The following FBXO41 variants were observed in gnomAD, a reference collection of about 807,000 sequenced individuals.
The protein encoded by FBXO41 is F-box protein 41.
Under a neutral mutation model 81.6 loss-of-function variants are expected in FBXO41, and 33 were observed. That is an observed-to-expected ratio of 0.40 (90% CI 0.31 to 0.54). The LOEUF is 0.54. FBXO41 is among the 20% of genes least tolerant of loss of function. FBXO41 has a pLI of 0.39. For missense variants in FBXO41, 1,107 were observed against 1,236.0 expected, an observed-to-expected ratio of 0.90 and a Z score of 1.56; for synonymous variants, 576 against 552.7, an observed-to-expected ratio of 1.04 and a Z score of -0.59.
Position 73,260,962 on chromosome 2 carries a change from C to T in FBXO41, c.2172-104G>A. On this transcript the variant is annotated intron_variant, in intron 9 of 12. Transcript: ENST00000520530. The surrounding 1 kb of genome is among the most constrained non-coding windows in gnomAD (Gnocchi z 5.0). ...TCCCTGACTCAGGCAAGCATTCCTC[C>T]AACAACCCAGCAGGTCAAGTCAGAG... The T allele has an allele frequency of 1.1e-6, 1 of 916,322 alleles. No individual in the cohort carries two copies. The highest frequency in any genetic ancestry group is 1.7e-5 in the South Asian group (1 of 59,826). The allele number at this position is 916,322 out of a possible 1,614,324, so 56.8% of individuals were successfully genotyped here. A position where few individuals can be genotyped will look rare whatever the true frequency, so the allele number is the denominator to read the frequency against.
In FBXO41 at chr2:73,259,315, A is replaced by G. The variant is rs1490302661; in HGVS notation, c.2450-19T>C. Reference sequence around the variant, plus strand: ...CAGATGCCTGAGAAAAGGTGAGCAAAGTAGGGGCGTGTTTGGCCTGGGCTG... The same window carrying G: ...CAGATGCCTGAGAAAAGGTGAGCAAGGTAGGGGCGTGTTTGGCCTGGGCTG... On this transcript the variant is annotated intron_variant, in intron 11 of 12. Coordinates refer to ENST00000520530, the MANE Select transcript of FBXO41 (RefSeq NM_001371389.2). This position sits in a 1 kb window ranked among gnomAD's most constrained non-coding sequence, Gnocchi z 4.2. The G allele has an allele frequency of 6.2e-7, 1 of 1,608,252 alleles. No individual in the cohort carries two copies.
intron 2 of FBXO41, 73 bp downstream of exon 2, chr2:73,268,653 G>A (rs1688366352): frequency 3.6e-6 from 5 of 1,386,284 alleles, no homozygotes; most frequent in Non-Finnish European, 4.8e-6. Context: ...ACTCAGGCAC[G>A]CCCACGGTGG....
Position 73,266,164 on chromosome 2 carries a change from A to C in FBXO41, c.1132-198T>G, listed in dbSNP as rs1198232537. ...GGCTTACCAGCCCCTCCCCACACCC[A>C]CACAATACCCTGGACCCCAGCTTGT... On this transcript the variant is annotated intron_variant, in intron 3 of 12. Transcript: ENST00000520530. This position sits in a 1 kb window ranked among gnomAD's most constrained non-coding sequence, Gnocchi z 5.3. 6.6e-6 allele frequency among the ~76,000 whole-genome samples: 1 copy of C among 152,144 alleles called. No homozygotes were observed. Among genetic ancestry groups the C allele is most frequent in the East Asian group, 1.9e-4 (1 of 5,180 alleles).
chr2:73,256,608 T>C lies in FBXO41; in HGVS notation c.*2374A>G, dbSNP rs1229032833. ...AACAGGGTGGAGGACTGAGGGGCTT[T>C]CCTGGAAATAGCCAAACCCATGGGA... On this transcript the variant is annotated 3_prime_UTR_variant, in exon 13 of 13. Coordinates refer to ENST00000520530, the MANE Select transcript of FBXO41 (RefSeq NM_001371389.2). The C allele has an allele frequency of 6.6e-6, 1 of 152,280 alleles. No homozygotes were observed. The highest frequency in any genetic ancestry group is 1.5e-5 in the Non-Finnish European group (1 of 68,110). 9.4% of individuals were successfully genotyped at this position (152,280 alleles called of 1,614,324 possible).
Position 73,266,348 on chromosome 2 carries a change from A to G in FBXO41, c.1131+109T>C, listed in dbSNP as rs563358198. 9.1e-5 allele frequency: 120 copies of G among 1,318,924 alleles called. No individual in the cohort carries two copies. In the South Asian group the frequency reaches 1.9e-3, roughly 20 times the overall value. 81.7% of individuals were successfully genotyped at this position (1,318,924 alleles called of 1,614,324 possible). The stretch of plus-strand genomic sequence containing the variant: ...GGCATCTGCTGGTGGGGTAAAAGCC[A>G]AAGAAGGGGCGAATGCGGCATCATG... On this transcript the variant is annotated intron_variant, in intron 3 of 12. Coordinates refer to ENST00000520530, the MANE Select transcript of FBXO41 (RefSeq NM_001371389.2). The surrounding 1 kb of genome is among the most constrained non-coding windows in gnomAD (Gnocchi z 5.3).
chr2:73,277,030 A>G (rs1688715865), intron 1 of FBXO41, among the ~76,000 whole-genome samples: 1 of 151,956 alleles, frequency 6.6e-6, no homozygotes, highest in Non-Finnish European at 1.5e-5. Context: ...CCTTCTCCCC[A>G]CCCTGCCCTC....
At position 73,259,065 on chromosome 2, in the gene FBXO41, T is replaced by C; in HGVS notation, c.2566-21A>G. 1 of 1,606,060 alleles carries C rather than the reference T, an allele frequency of 6.2e-7. No homozygotes were observed. Among genetic ancestry groups the C allele is most frequent in the Non-Finnish European group, 8.5e-7 (1 of 1,175,956 alleles). On this transcript the variant is annotated intron_variant, in intron 12 of 12. Transcript: ENST00000520530. The surrounding 1 kb of genome is among the most constrained non-coding windows in gnomAD (Gnocchi z 4.2). ...AGAGCCTGCGGACCGAACCCTGGGTTAGTTCTCCCTCCGTGCCAGGCAGGT... is the reference window on the plus strand; with the variant it reads ...AGAGCCTGCGGACCGAACCCTGGGTCAGTTCTCCCTCCGTGCCAGGCAGGT...
intron 1 of FBXO41, among the ~76,000 whole-genome samples, chr2:73,283,513 GGA>G (rs1265460359): frequency 6.6e-6 from 1 of 152,202 alleles, no homozygotes; most frequent in Non-Finnish European, 1.5e-5. Flanking sequence ...AGAGACCTAA[GGA>G]GAGAGCAGGC....
intron 5 of FBXO41, among the ~76,000 whole-genome samples, chr2:73,265,051 A>G (rs774532080): frequency 2.6e-5 from 4 of 152,272 alleles, no homozygotes; most frequent in East Asian, 1.9e-4. Flanking sequence ...TGATGAGCCT[A>G]CCACGTGAAT....
intron 8 of FBXO41, 65 bp from the exon 9 acceptor site, chr2:73,263,373 G>A (rs1054817145): frequency 7.8e-7 from 1 of 1,275,638 alleles, no homozygotes; most frequent in African/African-American, 1.5e-5. Context: ...CCAACACTTT[G>A]GGAGGTCAAG....
At chr2:73,263,651 G>T in intron 8 of FBXO41, 27 bp downstream of exon 8, 1 of 1,611,770 alleles carries the variant, frequency 6.2e-7, no homozygotes, top group Non-Finnish European at 8.5e-7. Flanking sequence ...AGAGGGAACA[G>T]GCCATGCTTC....
chr2:73,259,558 G>C lies in FBXO41; in HGVS notation c.2450-262C>G, dbSNP rs932202580. On this transcript the variant is annotated intron_variant, in intron 11 of 12. Coordinates refer to ENST00000520530, the MANE Select transcript of FBXO41 (RefSeq NM_001371389.2). This position sits in a 1 kb window ranked among gnomAD's most constrained non-coding sequence, Gnocchi z 4.2. ...GTCCAAAGCCTCTAGGAACTTCCCT[G>C]ACACAGGGGGCAGCTATACCATGGT... Among the ~76,000 whole-genome samples the C allele has an allele frequency of 6.6e-6, 1 of 152,166 alleles. No homozygotes were observed. Among genetic ancestry groups the C allele is most frequent in the Non-Finnish European group, 1.5e-5 (1 of 68,040 alleles).
chr2:73,265,729 A>ACCATCAGC, intron 4 of FBXO41, 89 bp from the exon 5 acceptor site: 1 of 1,427,386 alleles, frequency 7.0e-7, no homozygotes, highest in Admixed American at 2.5e-5. Context: ...GCTGAGGGCA[A>ACCATCAGC]CCCACCCGCC....
chr2:73,269,687 G>C lies in FBXO41; in HGVS notation c.-57C>G. On this transcript the variant is annotated 5_prime_UTR_variant, in exon 2 of 13. Transcript: ENST00000520530. The surrounding 1 kb of genome is among the most constrained non-coding windows in gnomAD (Gnocchi z 7.0). ...ACCGCGGCCGCCCCGCCGGTCAGCC[G>C]GGCGCGCTCATGGGGGACCGCGGGC... 1 of 1,121,448 alleles carries C rather than the reference G, an allele frequency of 8.9e-7. No individual in the cohort carries two copies. Among genetic ancestry groups the C allele is most frequent in the Non-Finnish European group, 1.1e-6 (1 of 917,998 alleles). 69.5% of individuals were successfully genotyped at this position (1,121,448 alleles called of 1,614,324 possible). A position where few individuals can be genotyped will look rare whatever the true frequency, so the allele number is the denominator to read the frequency against.
At position 73,260,790 on chromosome 2, in the gene FBXO41, G is replaced by A; in HGVS notation, c.2240C>T (p.Ala747Val). Residue 747 changes from alanine (A) to valine (V), a missense_variant, in exon 10 of 13, where the codon GCC becomes GTC. Around this residue, in one of 2 missense-constraint regions of FBXO41, gnomAD observed 336 missense variants for 446.7 expected, o/e 0.75. Coordinates refer to ENST00000520530, the MANE Select transcript of FBXO41 (RefSeq NM_001371389.2). This position sits in a 1 kb window ranked among gnomAD's most constrained non-coding sequence, Gnocchi z 5.0. ...ACAGCCGGCACCCCCGACCCCCAGG[G>A]CCCGCAGGTGGGGCCAACAGCGACC... ...MIGRCWPHLR[A>V]LGVGGAGCGV... 1 of 1,566,496 alleles carries A rather than the reference G, an allele frequency of 6.4e-7. No individual in the cohort carries two copies. Among genetic ancestry groups the A allele is most frequent in the Non-Finnish European group, 8.7e-7 (1 of 1,154,332 alleles).
In FBXO41 at chr2:73,265,478, G is replaced by C; in HGVS notation, c.1368C>G (p.Pro456=). 6.2e-7 allele frequency: 1 copy of C among 1,602,706 alleles called. No individual in the cohort carries two copies. The highest frequency in any genetic ancestry group is 1.7e-4 in the Middle Eastern group (1 of 6,046). The change falls in exon 5 of 13, where the codon CCC becomes CCG. Residue 456 remains proline (P), a synonymous_variant. Coordinates refer to ENST00000520530, the MANE Select transcript of FBXO41 (RefSeq NM_001371389.2). ...GGCGCCGCAGGCCTGAGCTGCGAGG[G>C]GGCTGGGACCGCTCTGAGCCCCCGT... ...AANGGSERSQ[P]PRSSGLRRQA...
rs1312832947 is a variant in FBXO41, at chr2:73,265,345, G to A, written c.1501C>T (p.Pro501Ser). 1 of 1,611,780 alleles carries A rather than the reference G, an allele frequency of 6.2e-7. No homozygotes were observed. Among genetic ancestry groups the A allele is most frequent in the East Asian group, 2.2e-5 (1 of 44,890 alleles). ...GGCCCGGGGCGGGGCGCATCCAACG[G>A]GCCCTCAGCCTCTGACTCAGTGGTT... ...SRTTESEAEG[P>S]LDAPRPGPAM... The change falls in exon 5 of 13, where the codon CCG (proline) becomes TCG (serine). Residue 501 changes from proline (P) to serine (S), a missense_variant. Physicochemically the swap from Pro to Ser is moderately conservative, Grantham distance 74. Transcript: ENST00000520530.
chr2:73,264,642 A>G (rs1304313822), intron 5 of FBXO41, 123 bp from the exon 6 acceptor site: 14 of 1,421,568 alleles, frequency 9.8e-6, no homozygotes, highest in Non-Finnish European at 1.3e-5. Context: ...ACCAGGGCCT[A>G]GGGAGGAAGG....
chr2:73,263,690 G>A lies in FBXO41; in HGVS notation c.2063C>T (p.Ala688Val). 6.2e-7 allele frequency: 1 copy of A among 1,613,572 alleles called. No individual in the cohort carries two copies. The highest frequency in any genetic ancestry group is 2.2e-5 in the East Asian group (1 of 44,870). Residue 688 changes from alanine to valine, a missense_variant, in exon 8 of 13, where the codon GCT (alanine) becomes GTT (valine). Physicochemically the swap from Ala to Val is moderately conservative, Grantham distance 64. Coordinates refer to ENST00000520530, the MANE Select transcript of FBXO41 (RefSeq NM_001371389.2). ...TCGGTTGACCCACCTGTACGTGACAGCCTGCAGGGCACGGCAGTAGCAGCT... is the reference window on the plus strand; with the variant it reads ...TCGGTTGACCCACCTGTACGTGACAACCTGCAGGGCACGGCAGTAGCAGCT... ...LASCYCRALQAVTYRSATDPV... is the reference protein window; with the variant it reads ...LASCYCRALQVVTYRSATDPV...
Sources: allele counts gnomAD v4.1 joint callset (sites outside exome capture counted in the v4.1 genomes callset), GRCh38; gene constraint gnomAD v4.1.1; regional missense constraint gnomAD v4.1.1; non-coding constraint Gnocchi (gnomAD v3.1); transcripts MANE v1.5; gene names NCBI Gene and HGNC (gene_info 2026-07-23, HGNC 2026-07-21).